ARHGAP40: variants seen among roughly 807,000 people sequenced by gnomAD.
ARHGAP40 encodes Rho GTPase activating protein 40, also known as rho GTPase-activating protein 40.
In ARHGAP40, 43 loss-of-function variants were observed where a neutral mutation model predicts 73.5. The ratio of observed to expected loss-of-function variants is 0.58; its 90% CI spans 0.46 to 0.75. The LOEUF is 0.75. Among genes scored for constraint, ARHGAP40 ranks in the 30% least tolerant of loss-of-function variants. The pLI is 0.00. For synonymous variants in ARHGAP40, 300 were observed against 352.8 expected (o/e 0.85, Z 1.68); for missense variants, 734 against 861.8 (o/e 0.85, Z 1.86).
chr20:38,622,121 A>G (rs1252934036), intron 1 of ARHGAP40, among the ~76,000 whole-genome samples: 1 of 143,136 alleles, frequency 7.0e-6, no homozygotes, highest in Non-Finnish European at 1.5e-5. Flanking sequence ...TTTTTTTTTA[A>G]AAAGGCAGCA....
At chr20:38,641,850 C>A in intron 10 of ARHGAP40, 42 bp downstream of exon 10, 1 of 1,213,718 alleles carries the variant, frequency 8.2e-7, no homozygotes, top group African/African-American at 1.6e-5. Flanking sequence ...CCATCTCAGC[C>A]CACAGCCACA....
intron 1 of ARHGAP40, among the ~76,000 whole-genome samples, chr20:38,608,824 G>A (rs542010592): frequency 1.3e-5 from 2 of 152,256 alleles, no homozygotes; most frequent in East Asian, 1.9e-4. Flanking sequence ...GGTGTCGGTA[G>A]GACTGTGATC....
chr20:38,635,188 C>T (rs1318594202), intron 6 of ARHGAP40, among the ~76,000 whole-genome samples: 1 of 151,612 alleles, frequency 6.6e-6, no homozygotes, highest in Non-Finnish European at 1.5e-5. Flanking sequence ...CCAGCATGCT[C>T]AGCTTCTATA....
exon 6 of ARHGAP40, chr20:38,634,672 C>T: frequency 1.5e-6 from 2 of 1,305,390 alleles, no homozygotes; most frequent in South Asian, 2.5e-5. Context: ...GGAGACTTGT[C>T]CCTGCAGGAT....
intron 1 of ARHGAP40, chr20:38,615,441 CT>C: frequency 1.4e-6 from 1 of 712,402 alleles, no homozygotes; most frequent in Non-Finnish European, 2.6e-6. Context: ...TAACCAGCTC[CT>C]TCTCAGCCAG....
chr20:38,615,372 G>T (rs567959332), intron 1 of ARHGAP40: 1 of 749,502 alleles, frequency 1.3e-6, no homozygotes, highest in Non-Finnish European at 2.5e-6. Context: ...GGGTTAAAAG[G>T]CCCCAGGTAC....
rs2089034593 is a variant in ARHGAP40 at position 38,643,814 on chromosome 20, G to GC, written c.1479dup (p.Lys494GlnfsTer46). 1.5e-6 allele frequency: 2 copies of GC among 1,305,434 alleles called. No individual in the cohort carries two copies. Among genetic ancestry groups the GC allele is most frequent in the African/African-American group, 1.5e-5 (1 of 65,838 alleles). 80.9% of individuals were successfully genotyped at this position (1,305,434 alleles called of 1,614,324 possible). ...CTAACCTCTTTCTGCACCAAGGGCG[G>GC]CCCCCCAAGCTCCCCAAAGGCAAGG... On this transcript the variant is annotated frameshift_variant, in exon 11 of 15. Transcript: ENST00000373345. LOFTEE classifies it high-confidence loss of function.
intron 1 of ARHGAP40, among the ~76,000 whole-genome samples, chr20:38,615,883 T>A (rs1021832505): frequency 2.0e-5 from 3 of 152,210 alleles, no homozygotes; most frequent in Non-Finnish European, 2.9e-5. Context: ...CTCCTGTGTC[T>A]GAAGGTGGCT....
intron 5 of ARHGAP40, among the ~76,000 whole-genome samples, chr20:38,630,975 G>C (rs1455117936): frequency 2.6e-5 from 4 of 152,184 alleles, no homozygotes; most frequent in Admixed American, 1.3e-4. Flanking sequence ...TTGTTCCCAA[G>C]GCTTCCAGTG....
Position 38,640,588 on chromosome 20 carries a change from T to C in ARHGAP40, c.1280-1138T>C, listed in dbSNP as rs185300580. On this transcript the variant is annotated intron_variant, in intron 9 of 14. Coordinates refer to ENST00000373345, the Ensembl canonical transcript of ARHGAP40. ...CTGTTGCCCACCCTCCACAGCACTCTTGTAATAAGATTCCACTTCTTACTA... is the reference window on the plus strand; with the variant it reads ...CTGTTGCCCACCCTCCACAGCACTCCTGTAATAAGATTCCACTTCTTACTA... Among the ~76,000 whole-genome samples, 382 of 152,304 alleles carry C rather than the reference T, an allele frequency of 2.5e-3. 2 individuals are homozygous for C. Among genetic ancestry groups the C allele is most frequent in the African/African-American group, 8.8e-3 (367 of 41,574 alleles).
intron 3 of ARHGAP40, among the ~76,000 whole-genome samples, chr20:38,628,374 G>A (rs918587328): frequency 2.0e-5 from 3 of 151,214 alleles, no homozygotes; most frequent in East Asian, 3.9e-4. Flanking sequence ...GCGACATCTC[G>A]ACTCACTGCA....
intron 1 of ARHGAP40, among the ~76,000 whole-genome samples, chr20:38,612,861 C>A (rs1042948739): frequency 6.6e-6 from 1 of 152,188 alleles, no homozygotes; most frequent in Non-Finnish European, 1.5e-5. Flanking sequence ...CTAAGTGACT[C>A]AGGAAGGGAC....
intron 1 of ARHGAP40, among the ~76,000 whole-genome samples, chr20:38,622,378 C>T (rs185361069): frequency 1.3e-5 from 2 of 152,224 alleles, no homozygotes; most frequent in Admixed American, 6.5e-5. Flanking sequence ...TAGGTGATTC[C>T]AGTCTAGTAT....
intron 1 of ARHGAP40, among the ~76,000 whole-genome samples, chr20:38,618,588 G>T (rs1286615358): frequency 6.6e-6 from 1 of 152,150 alleles, no homozygotes; most frequent in Non-Finnish European, 1.5e-5. Flanking sequence ...ATGGCTGCGG[G>T]TGACTTCATG....
At chr20:38,638,878 C>G (rs2088994649) in intron 8 of ARHGAP40, 40 bp downstream of exon 8, 1 of 1,289,268 alleles carries the variant, frequency 7.8e-7, no homozygotes, top group Admixed American at 2.3e-5. Context: ...GGCTGCATCT[C>G]CCCCATGCTC....
intron 11 of ARHGAP40, among the ~76,000 whole-genome samples, chr20:38,644,190 T>C (rs948282771): frequency 3.3e-5 from 5 of 152,030 alleles, no homozygotes; most frequent in Non-Finnish European, 7.4e-5. Context: ...AATAATTCCT[T>C]CACATCAAAG....
At chr20:38,635,017 G>C (rs1309999974) in intron 6 of ARHGAP40, among the ~76,000 whole-genome samples, 3 of 151,996 alleles carry the variant, frequency 2.0e-5, no homozygotes, top group Non-Finnish European at 4.4e-5. Context: ...GAGTAGCTGA[G>C]ACTACAGGTG....
intron 3 of ARHGAP40, among the ~76,000 whole-genome samples, 160 bp downstream of exon 3, chr20:38,627,375 G>GGGGT (rs1568607596): frequency 6.7e-6 from 1 of 148,364 alleles, no homozygotes; most frequent in Non-Finnish European, 1.5e-5. Flanking sequence ...TCTGTGTGTT[G>GGGGT]GTGTGTGTGT....
At chr20:38,611,623 G>T (rs986101505) in intron 1 of ARHGAP40, among the ~76,000 whole-genome samples, 1 of 151,884 alleles carries the variant, frequency 6.6e-6, no homozygotes, top group Non-Finnish European at 1.5e-5. Flanking sequence ...TGTCGCCCAG[G>T]CTGGAGTGCA....
Sources: gnomAD v4.1 joint callset for allele counts (sites outside exome capture counted in the v4.1 genomes callset) on GRCh38, gnomAD v4.1.1 for gene constraint, MANE v1.5 for transcripts, NCBI Gene and HGNC (gene_info 2026-07-23, HGNC 2026-07-21) for gene names.